Variants in XPR1 observed in about 807,000 individuals in gnomAD.
The protein encoded by XPR1 is solute carrier family 53 member 1.
XPR1 carries 28 observed loss-of-function variants against 87.5 expected under a neutral mutation model. The ratio of observed to expected loss-of-function variants is 0.32; its 90% CI spans 0.24 to 0.44. The LOEUF (loss-of-function observed/expected upper bound fraction) is 0.44, where lower values mean the gene tolerates loss of function less well. Ranked by LOEUF, XPR1 falls within the 20% of genes least tolerant of loss-of-function variation. The pLI is 1.00. For missense variants in XPR1, 559 were observed against 862.3 expected (o/e 0.65, Z 4.41); for synonymous variants, 300 against 306.1 (o/e 0.98, Z 0.21).
intron 2 of XPR1, among the ~76,000 whole-genome samples, chr1:180,685,638 C>G (rs1376039390): frequency 1.3e-5 from 2 of 152,056 alleles, no homozygotes; most frequent in African/African-American, 4.8e-5. Flanking sequence ...GGTTGGTAAG[C>G]TATTGATTAT....
At chr1:180,728,186 G>C (rs370672135) in intron 2 of XPR1, among the ~76,000 whole-genome samples, 5 of 151,698 alleles carry the variant, frequency 3.3e-5, no homozygotes, top group East Asian at 1.9e-4. Context: ...AGAAAATTAA[G>C]GTGTTTTAAA....
In XPR1 at chr1:180,811,488, G is replaced by C. The variant is rs759826471; in HGVS notation, c.763G>C (p.Ala255Pro). 6.2e-7 allele frequency: 1 copy of C among 1,608,244 alleles called. No homozygotes were observed. The highest frequency in any genetic ancestry group is 8.5e-7 in the Non-Finnish European group (1 of 1,176,318). ...ACTGAATATTACCCTTGTGCTTGCC[G>C]GTAAGTAGTTTAAATTTTGAATTAA... ...IVLNITLVLA[A>P]VFKLETDRSI... is the part of the protein sequence containing the mutation. Residue 255 changes from alanine (A) to proline (P), a missense_variant and splice_region_variant, in exon 7 of 15, where the codon GCT becomes CCT. By Grantham distance (27) the Ala-to-Pro change is conservative. Transcript: ENST00000367590.
intron 2 of XPR1, among the ~76,000 whole-genome samples, chr1:180,767,001 C>T (rs747972031): frequency 2.0e-5 from 3 of 152,180 alleles, no homozygotes; most frequent in Non-Finnish European, 4.4e-5. Flanking sequence ...AAGACATGCT[C>T]AGCTCAAAAG....
At chr1:180,883,234 G>A (rs532540930) in intron 14 of XPR1, among the ~76,000 whole-genome samples, 1 of 150,794 alleles carries the variant, frequency 6.6e-6, no homozygotes, top group Non-Finnish European at 1.5e-5. Context: ...CCAAGGAGCT[G>A]GGATTACAGG....
chr1:180,775,364 C>T (rs1359420530), intron 2 of XPR1, among the ~76,000 whole-genome samples: 1 of 151,708 alleles, frequency 6.6e-6, no homozygotes, highest in Non-Finnish European at 1.5e-5. Context: ...CAGGGGGATC[C>T]CTTGAGCCCA....
At chr1:180,716,470 T>G (rs1403333301) in intron 2 of XPR1, among the ~76,000 whole-genome samples, 2 of 152,214 alleles carry the variant, frequency 1.3e-5, no homozygotes, top group African/African-American at 4.8e-5. Context: ...TCTTTATTGT[T>G]TACCTATTTT....
chr1:180,682,898 A>G (rs1437062970), intron 2 of XPR1, among the ~76,000 whole-genome samples: 1 of 152,064 alleles, frequency 6.6e-6, no homozygotes, highest in Non-Finnish European at 1.5e-5. Flanking sequence ...GTGTCAGTAA[A>G]TAGGAGCTAA....
chr1:180,744,329 T>A (rs1036712986), intron 2 of XPR1, among the ~76,000 whole-genome samples: 73 of 152,208 alleles, frequency 4.8e-4, no homozygotes, highest in East Asian at 7.7e-4. Context: ...GAACTTTTTT[T>A]AATTTAGAAT....
At chr1:180,736,680 A>C (rs1658740259) in intron 2 of XPR1, among the ~76,000 whole-genome samples, 2 of 152,166 alleles carry the variant, frequency 1.3e-5, no homozygotes, top group Admixed American at 1.3e-4. Flanking sequence ...TTATAAGGAG[A>C]CATCAACAAA....
At chr1:180,687,004 C>T (rs1233434228) in intron 2 of XPR1, among the ~76,000 whole-genome samples, 1 of 152,078 alleles carries the variant, frequency 6.6e-6, no homozygotes, top group Non-Finnish European at 1.5e-5. Flanking sequence ...TAACTCAAGA[C>T]ACTTAAGGTT....
intron 2 of XPR1, among the ~76,000 whole-genome samples, chr1:180,746,309 C>G (rs572712354): frequency 6.6e-6 from 1 of 152,102 alleles, no homozygotes; most frequent in African/African-American, 2.4e-5. Context: ...GTCCATTATA[C>G]CATTCTGTAT....
At chr1:180,840,430 C>G (rs915539221) in intron 11 of XPR1, among the ~76,000 whole-genome samples, 2 of 151,486 alleles carry the variant, frequency 1.3e-5, no homozygotes, top group African/African-American at 4.9e-5. Flanking sequence ...AATCCTTATG[C>G]CAAAGTTACA....
At chr1:180,732,487 G>A (rs1229661410) in intron 2 of XPR1, among the ~76,000 whole-genome samples, 1 of 152,172 alleles carries the variant, frequency 6.6e-6, no homozygotes, top group Non-Finnish European at 1.5e-5. Flanking sequence ...ATACTGGTGT[G>A]AAACTATTGA....
chr1:180,855,332 C>T (rs1651992015), intron 11 of XPR1, among the ~76,000 whole-genome samples: 1 of 152,040 alleles, frequency 6.6e-6, no homozygotes, highest in South Asian at 2.1e-4. Flanking sequence ...CCTTTGTTAA[C>T]ATATTATTAA....
chr1:180,643,003 T>C (rs1194420585), intron 1 of XPR1, among the ~76,000 whole-genome samples: 1 of 152,084 alleles, frequency 6.6e-6, no homozygotes, highest in Non-Finnish European at 1.5e-5. Context: ...TAGTTAGATA[T>C]GTTGAAGAGC....
intron 10 of XPR1, 126 bp downstream of exon 10, chr1:180,835,171 A>G: frequency 2.8e-6 from 3 of 1,063,224 alleles, no homozygotes; most frequent in African/African-American, 1.6e-5. Flanking sequence ...ACTTAATTTA[A>G]TGTACTTGGC....
chr1:180,761,758 A>T (rs1648040686), intron 2 of XPR1, among the ~76,000 whole-genome samples: 1 of 152,170 alleles, frequency 6.6e-6, no homozygotes, highest in Non-Finnish European at 1.5e-5. Context: ...TGACCCAGCC[A>T]TCCCATTACT....
intron 2 of XPR1, among the ~76,000 whole-genome samples, chr1:180,756,067 A>C (rs1156372536): frequency 6.6e-6 from 1 of 152,260 alleles, no homozygotes; most frequent in Non-Finnish European, 1.5e-5. Context: ...CACAGTCACC[A>C]GTAATCAAAC....
chr1:180,882,548 G>A (rs1264524621), intron 14 of XPR1, among the ~76,000 whole-genome samples: 1 of 152,054 alleles, frequency 6.6e-6, no homozygotes, highest in Non-Finnish European at 1.5e-5. Context: ...TAGAGACAGG[G>A]TCTTACTATG....
Sources: gnomAD v4.1 joint callset for allele counts (sites outside exome capture counted in the v4.1 genomes callset) on GRCh38, gnomAD v4.1.1 for gene constraint, MANE v1.5 for transcripts, NCBI Gene and HGNC (gene_info 2026-07-23, HGNC 2026-07-21) for gene names.